The following CYYR1 variants were observed in gnomAD, a reference collection of about 807,000 sequenced individuals.
The protein encoded by CYYR1 is cysteine and tyrosine-rich protein 1.
Under a neutral mutation model 15.2 loss-of-function variants are expected in CYYR1, and 14 were observed. That is an observed-to-expected ratio of 0.92 (90% confidence interval 0.61 to 1.44). The LOEUF is 1.44. Among genes scored for constraint, CYYR1 ranks in the 40% most tolerant of loss-of-function variants. The probability of loss-of-function intolerance (pLI) is 0.00; values close to 1 mark genes in which losing one functional copy is unlikely to be tolerated. For missense variants in CYYR1, 228 were observed against 209.5 expected (o/e 1.09, Z -0.54); for synonymous variants, 80 against 77.4 (o/e 1.03, Z -0.18).
intron 2 of CYYR1, among the ~76,000 whole-genome samples, chr21:26,497,042 A>T (rs1206992457): frequency 6.6e-6 from 1 of 152,174 alleles, no homozygotes; most frequent in Non-Finnish European, 1.5e-5. Context: ...TTAACAATTT[A>T]AAAAGGTTAC....
chr21:26,519,229 G>T (rs2065772085), intron 2 of CYYR1, among the ~76,000 whole-genome samples: 1 of 152,120 alleles, frequency 6.6e-6, no homozygotes, highest in African/African-American at 2.4e-5. Flanking sequence ...TCCTGGAGGG[G>T]CGGGGGAACA....
chr21:26,510,160 A>T (rs1408859434), intron 2 of CYYR1, among the ~76,000 whole-genome samples: 1 of 152,222 alleles, frequency 6.6e-6, no homozygotes, highest in Non-Finnish European at 1.5e-5. Context: ...CCCAAATATA[A>T]AAGTTTGTAA....
intron 3 of CYYR1, among the ~76,000 whole-genome samples, chr21:26,478,550 G>A (rs1601728475): frequency 6.6e-6 from 1 of 152,140 alleles, no homozygotes; most frequent in Non-Finnish European, 1.5e-5. Context: ...CTTTTACTTT[G>A]GATAAAATGA....
intron 2 of CYYR1, among the ~76,000 whole-genome samples, chr21:26,516,182 C>T (rs2065724869): frequency 6.6e-6 from 1 of 152,206 alleles, no homozygotes; most frequent in Non-Finnish European, 1.5e-5. Flanking sequence ...TAGGATCACA[C>T]ATCCTTCCAA....
intron 1 of CYYR1, among the ~76,000 whole-genome samples, chr21:26,566,637 G>T (rs894030583): frequency 6.6e-6 from 1 of 152,176 alleles, no homozygotes; most frequent in African/African-American, 2.4e-5. Context: ...ATGAGATAAT[G>T]AAGGAAGGAA....
intron 2 of CYYR1, among the ~76,000 whole-genome samples, chr21:26,494,648 C>T (rs1262594510): frequency 1.3e-5 from 2 of 151,480 alleles, no homozygotes; most frequent in African/African-American, 2.4e-5. Flanking sequence ...TTTTTTTCCC[C>T]TTAAAAGAGT....
intron 3 of CYYR1, chr21:26,477,658 A>T (rs2065121639): frequency 3.0e-5 from 23 of 768,732 alleles, no homozygotes; most frequent in Non-Finnish European, 3.6e-5. Flanking sequence ...TTATAAAAAT[A>T]TTTAAACATT....
rs896774545 is a variant in CYYR1 at position 26,474,243 on chromosome 21, C to T, written c.335-5609G>A. Reference sequence around the variant, plus strand: ...CTAATTTTTGTATTTTTAGTAGAGACGGGGTTTCACCATGTTGGTCAGGCT... The same window carrying T: ...CTAATTTTTGTATTTTTAGTAGAGATGGGGTTTCACCATGTTGGTCAGGCT... On this transcript the variant is annotated intron_variant, in intron 3 of 3. Transcript: ENST00000652641. 7.3e-5 allele frequency among the ~76,000 whole-genome samples: 11 copies of T among 151,628 alleles called. No homozygotes were observed. The East Asian group carries it at 9.8e-4, about 13-fold the overall frequency.
At chr21:26,536,354 C>T (rs563974939) in intron 2 of CYYR1, among the ~76,000 whole-genome samples, 2 of 152,236 alleles carry the variant, frequency 1.3e-5, no homozygotes, top group South Asian at 4.1e-4. Flanking sequence ...CCACGAGATG[C>T]TTTATTATGC....
intron 2 of CYYR1, among the ~76,000 whole-genome samples, chr21:26,534,575 T>C (rs1045144438): frequency 1.3e-4 from 20 of 152,224 alleles, no homozygotes; most frequent in Non-Finnish European, 2.6e-4. Flanking sequence ...CCTTTGATCC[T>C]TTGGCTCGCT....
chr21:26,542,290 C>CGTGTGTGTGTGTGCGTGT (rs1978619665), intron 2 of CYYR1, among the ~76,000 whole-genome samples: 7 of 128,070 alleles, frequency 5.5e-5, no homozygotes, highest in Non-Finnish European at 1.1e-4. Context: ...TGTGTGTGTG[C>CGTGTGTGTGTGTGCGTGT]GTGTGTGTGT....
chr21:26,552,427 C>G (rs114280293), intron 2 of CYYR1, among the ~76,000 whole-genome samples: 1 of 152,190 alleles, frequency 6.6e-6, no homozygotes, highest in South Asian at 2.1e-4. Context: ...AGGTTCAGAA[C>G]AAAATCCATT....
chr21:26,495,685 A>C (rs540621193), intron 2 of CYYR1, among the ~76,000 whole-genome samples: 1 of 152,360 alleles, frequency 6.6e-6, no homozygotes, highest in South Asian at 2.1e-4. Context: ...AGAGAGAGCC[A>C]CACGGGTGAA....
At chr21:26,484,351 C>T (rs890271502) in intron 2 of CYYR1, among the ~76,000 whole-genome samples, 1 of 152,068 alleles carries the variant, frequency 6.6e-6, no homozygotes, top group African/African-American at 2.4e-5. Flanking sequence ...TATTTTCTCT[C>T]TAACACTTTT....
chr21:26,476,799 T>C (rs2065111287), intron 3 of CYYR1, among the ~76,000 whole-genome samples: 1 of 152,172 alleles, frequency 6.6e-6, no homozygotes, highest in Admixed American at 6.6e-5. Flanking sequence ...TATTATTTTC[T>C]TTCAGATGTG....
chr21:26,541,280 GTATAAA>G (rs1221409805), intron 2 of CYYR1, among the ~76,000 whole-genome samples: 2 of 151,972 alleles, frequency 1.3e-5, no homozygotes, highest in Admixed American at 6.6e-5. Context: ...ATCCTATGTA[GTATAAA>G]TAGAGAAAAG....
intron 2 of CYYR1, among the ~76,000 whole-genome samples, chr21:26,528,013 C>T (rs185550535): frequency 4.6e-5 from 7 of 152,118 alleles, no homozygotes; most frequent in East Asian, 1.9e-4. Context: ...ACACTTAAAA[C>T]GAGTAAAAAT....
intron 3 of CYYR1, among the ~76,000 whole-genome samples, chr21:26,470,328 C>A (rs1363207565): frequency 6.6e-6 from 1 of 152,056 alleles, no homozygotes; most frequent in Non-Finnish European, 1.5e-5. Context: ...ATAGGGCTTC[C>A]ACTGATATGC....
At chr21:26,543,312 C>T (rs985163235) in intron 2 of CYYR1, among the ~76,000 whole-genome samples, 2 of 151,976 alleles carry the variant, frequency 1.3e-5, no homozygotes, top group Non-Finnish European at 2.9e-5. Context: ...AACAAACCTG[C>T]ACATGTACCC....
Sources: gnomAD v4.1 joint callset for allele counts (sites outside exome capture counted in the v4.1 genomes callset) on GRCh38, gnomAD v4.1.1 for gene constraint, MANE v1.5 for transcripts, NCBI Gene and HGNC (gene_info 2026-07-23, HGNC 2026-07-21) for gene names.